The following OCIAD1 variants were observed in gnomAD, a reference collection of about 807,000 sequenced individuals.
The protein encoded by OCIAD1 is OCIA domain-containing protein 1.
A neutral mutation model predicts 38.9 loss-of-function variants in OCIAD1; 29 were observed. The ratio of observed to expected loss-of-function variants is 0.74; its 90% confidence interval spans 0.55 to 1.02. The LOEUF (loss-of-function observed/expected upper bound fraction) is 1.02, where lower values mean the gene tolerates loss of function less well. Among genes scored for constraint, OCIAD1 ranks in the 50% least tolerant of loss-of-function variants. The pLI is 0.00. For synonymous variants in OCIAD1, 110 were observed against 92.0 expected, an observed-to-expected ratio of 1.20 and a Z score of -1.12; for missense variants, 288 against 289.6, an observed-to-expected ratio of 0.99 and a Z score of 0.04.
At chr4:48,834,020 A>G (rs954513194) in intron 3 of OCIAD1, among the ~76,000 whole-genome samples, 10 of 151,744 alleles carry the variant, frequency 6.6e-5, no homozygotes, top group South Asian at 2.1e-4. Context: ...ATATTTGTGT[A>G]TATATATATA....
rs368997984 is a variant in OCIAD1, at chr4:48,859,343, C to T, written c.701-1382C>T. On this transcript the variant is annotated intron_variant, in intron 8 of 8. Coordinates refer to ENST00000264312, the MANE Select transcript of OCIAD1 (RefSeq NM_017830.4). ...TGCTCTGTAATATGTAAAGACTTGT[C>T]GGTACTTTGTCCTGCTAATTAATTT... 7.9e-5 allele frequency among the ~76,000 whole-genome samples: 12 copies of T among 152,128 alleles called. No homozygotes were observed. In the East Asian group the frequency reaches 1.9e-3, roughly 24 times the overall value.
intron 3 of OCIAD1, among the ~76,000 whole-genome samples, chr4:48,840,295 G>T (rs894778665): frequency 6.6e-6 from 1 of 152,202 alleles, no homozygotes; most frequent in Non-Finnish European, 1.5e-5. Flanking sequence ...AGTGCTTCAT[G>T]TTGCAATCCT....
chr4:48,825,766 T>TTCCC (rs1239165036), intron 1 of OCIAD1, among the ~76,000 whole-genome samples: 1 of 152,036 alleles, frequency 6.6e-6, no homozygotes, highest in Non-Finnish European at 1.5e-5. Context: ...TTCTCTTTCT[T>TTCCC]TCCCTCCCTC....
At chr4:48,859,713 AATT>A (rs1452884526) in intron 8 of OCIAD1, among the ~76,000 whole-genome samples, 3 of 152,276 alleles carry the variant, frequency 2.0e-5, no homozygotes, top group East Asian at 1.9e-4. Context: ...TCATTTTCTG[AATT>A]ATTGTTGAAA....
upstream of OCIAD1, among the ~76,000 whole-genome samples, chr4:48,826,643 A>G (rs1214415538): frequency 6.6e-6 from 1 of 152,236 alleles, no homozygotes; most frequent in East Asian, 1.9e-4. Flanking sequence ...TTTGATTATT[A>G]CACACTTACA....
chr4:48,827,673 T>C (rs1435941731), upstream of OCIAD1, among the ~76,000 whole-genome samples: 2 of 152,254 alleles, frequency 1.3e-5, no homozygotes, highest in Non-Finnish European at 1.5e-5. Context: ...GAGCTCATAG[T>C]CTTTTATCAA....
At chr4:48,848,696 G>T (rs1458718445) in intron 5 of OCIAD1, 1 of 266,658 alleles carries the variant, frequency 3.8e-6, no homozygotes, top group Admixed American at 5.3e-5. Flanking sequence ...AAATTATTTT[G>T]TAAGGATAAA....
intron 3 of OCIAD1, among the ~76,000 whole-genome samples, chr4:48,837,571 A>C (rs1263754497): frequency 1.3e-5 from 2 of 151,416 alleles, no homozygotes; most frequent in African/African-American, 4.9e-5. Context: ...GATTACAAGC[A>C]TGAGCCACTG....
At chr4:48,832,719 TC>T (rs1226663199) in intron 2 of OCIAD1, 37 bp downstream of exon 2, 3 of 1,511,284 alleles carry the variant, frequency 2.0e-6, no homozygotes, top group South Asian at 1.1e-5. Flanking sequence ...TAGAAGCACT[TC>T]CTATGTAAAG....
chr4:48,841,707 G>C (rs995140082), intron 3 of OCIAD1, among the ~76,000 whole-genome samples: 3 of 152,002 alleles, frequency 2.0e-5, no homozygotes, highest in African/African-American at 7.3e-5. Flanking sequence ...TTGATCACAG[G>C]GTTGGTCACT....
rs1309326383 is a variant in OCIAD1 at position 48,851,726 on chromosome 4, TGAAA to T, written c.378-76_378-73del. 1.1e-5 allele frequency: 8 copies of T among 729,064 alleles called. No homozygotes were observed. In the East Asian group the frequency reaches 2.0e-4, roughly 18 times the overall value. 45.2% of individuals were successfully genotyped at this position (729,064 alleles called of 1,614,324 possible). On this transcript the variant is annotated intron_variant, in intron 6 of 8. Transcript: ENST00000264312. ...TATATAATTTTGGAAATAAGCTATA[TGAAA>T]GAAGTTATTTTAACACTTCTTTAAG...
At chr4:48,812,023 C>CCTGTAATCCCA (rs1215467636) in intron 1 of OCIAD1, among the ~76,000 whole-genome samples, 2 of 151,932 alleles carry the variant, frequency 1.3e-5, no homozygotes, top group African/African-American at 4.8e-5. Flanking sequence ...GTGGCTCATG[C>CCTGTAATCCCA]CTGTAATCCC....
intron 4 of OCIAD1, among the ~76,000 whole-genome samples, chr4:48,847,018 G>T (rs1779035493): frequency 6.6e-6 from 1 of 152,142 alleles, no homozygotes; most frequent in Non-Finnish European, 1.5e-5. Context: ...CTGGGTCATA[G>T]ATTTTGTATA....
chr4:48,833,580 C>T (rs752555342), intron 3 of OCIAD1, 99 bp downstream of exon 3: 1 of 700,056 alleles, frequency 1.4e-6, no homozygotes, highest in Non-Finnish European at 2.4e-6. Context: ...CCGTATAGAA[C>T]AAATTGGCAA....
intron 4 of OCIAD1, among the ~76,000 whole-genome samples, chr4:48,847,616 G>C (rs1304992473): frequency 6.6e-6 from 1 of 152,120 alleles, no homozygotes; most frequent in East Asian, 1.9e-4. Flanking sequence ...CCTGTTAATG[G>C]ATATTAATTG....
rs112352079 is a variant in OCIAD1, at chr4:48,819,042, G to A, written c.-102-11535G>A. The stretch of plus-strand genomic sequence containing the variant: ...AAGACTTCCCCAACCTAGCAAGACA[G>A]GCCAACATTCAAATTCAGGAAATAC... On this transcript the variant is annotated intron_variant, in intron 1 of 6. Transcript: ENST00000504654. 6.6e-3 allele frequency among the ~76,000 whole-genome samples: 998 copies of A among 152,184 alleles called. 13 individuals carry two copies. The highest frequency in any genetic ancestry group is 0.023 in the African/African-American group (959 of 41,506).
chr4:48,811,215 G>C (rs554655635), intron 1 of OCIAD1, among the ~76,000 whole-genome samples: 1 of 152,144 alleles, frequency 6.6e-6, no homozygotes, highest in African/African-American at 2.4e-5. Context: ...GTGATCTCTT[G>C]CCTAACTTAT....
chr4:48,831,988 G>T (rs1777550303), intron 1 of OCIAD1, among the ~76,000 whole-genome samples: 1 of 152,144 alleles, frequency 6.6e-6, no homozygotes, highest in Non-Finnish European at 1.5e-5. Flanking sequence ...TTTAAAAAAA[G>T]AACCAAATAA....
chr4:48,839,065 A>G (rs1778281708), intron 3 of OCIAD1, among the ~76,000 whole-genome samples: 1 of 152,190 alleles, frequency 6.6e-6, no homozygotes, highest in Admixed American at 6.5e-5. Context: ...ATCAGTTCAT[A>G]TTTGTATCAG....
Sources: gnomAD v4.1 joint callset for allele counts (sites outside exome capture counted in the v4.1 genomes callset) on GRCh38, gnomAD v4.1.1 for gene constraint, MANE v1.5 for transcripts, NCBI Gene and HGNC (gene_info 2026-07-23, HGNC 2026-07-21) for gene names.